ASAP2: variants seen among roughly 807,000 people sequenced by gnomAD.
The protein encoded by ASAP2 is ArfGAP with SH3 domain, ankyrin repeat and PH domain 2.
ASAP2 carries 45 observed loss-of-function variants against 131.4 expected under a neutral mutation model. The ratio of observed to expected loss-of-function variants is 0.34; its 90% CI spans 0.27 to 0.44. The LOEUF is 0.44. Ranked by LOEUF, ASAP2 falls within the 20% of genes least tolerant of loss-of-function variation. ASAP2 has a pLI of 1.00. For missense variants in ASAP2, 1,011 were observed against 1,297.0 expected, an observed-to-expected ratio of 0.78 and a Z score of 3.39; for synonymous variants, 510 against 503.0, an observed-to-expected ratio of 1.01 and a Z score of -0.19.
chr2:9,350,294 CTG>C (rs1340581254), intron 11 of ASAP2, among the ~76,000 whole-genome samples: 5 of 152,188 alleles, frequency 3.3e-5, no homozygotes, highest in African/African-American at 1.2e-4. Flanking sequence ...GAATGTGAGT[CTG>C]TTATCTGTCA....
intron 1 of ASAP2, among the ~76,000 whole-genome samples, chr2:9,247,602 A>G (rs1188743187): frequency 6.6e-6 from 1 of 152,226 alleles, no homozygotes; most frequent in Non-Finnish European, 1.5e-5. Context: ...TCTGCTGCTC[A>G]CTAGCTCAGA....
In ASAP2 at chr2:9,374,820, C is replaced by G; in HGVS notation, c.1622C>G (p.Ala541Gly). Residue 541 changes from alanine to glycine, a missense_variant, in exon 17 of 28, where the codon GCG (alanine) becomes GGG (glycine). Ala to Gly is a moderately conservative substitution (Grantham distance 60, BLOSUM62 0). Transcript: ENST00000281419. ...AGGAGATACGCAAGGAAGAAGCACGCGGATAACGCGGCGAAGCTTCACAGT... is the reference window on the plus strand; with the variant it reads ...AGGAGATACGCAAGGAAGAAGCACGGGGATAACGCGGCGAAGCTTCACAGT... The part of the protein sequence containing the change: ...IERRYARKKH[A>G]DNAAKLHSLC... 3.7e-6 allele frequency: 6 copies of G among 1,613,894 alleles called. No homozygotes were observed. Among genetic ancestry groups the G allele is most frequent in the Non-Finnish European group, 5.1e-6 (6 of 1,179,938 alleles).
At chr2:9,329,663 G>A (rs1040449536) in intron 7 of ASAP2, among the ~76,000 whole-genome samples, 9 of 152,186 alleles carry the variant, frequency 5.9e-5, no homozygotes, top group African/African-American at 2.2e-4. Flanking sequence ...CAGAGATGAC[G>A]ATGGCCCACC....
chr2:9,317,039 ATCAC>A (rs749357463), intron 3 of ASAP2, among the ~76,000 whole-genome samples: 14 of 77,778 alleles, frequency 1.8e-4, no homozygotes, highest in African/African-American at 5.5e-4. Context: ...ATCATTCCCA[ATCAC>A]TCACATCCAC....
chr2:9,254,527 A>AT (rs546862626), intron 1 of ASAP2, among the ~76,000 whole-genome samples: 2,467 of 27,992 alleles, frequency 0.088, 536 homozygotes, highest in Admixed American at 0.22. Context: ...TAATTTTTGG[A>AT]TTTTTTTTTT....
intron 1 of ASAP2, among the ~76,000 whole-genome samples, chr2:9,251,120 C>T (rs1030002010): frequency 6.6e-6 from 1 of 152,104 alleles, no homozygotes; most frequent in Non-Finnish European, 1.5e-5. Flanking sequence ...AATAAGTGGA[C>T]GGGAGTGGAG....
chr2:9,210,266 A>G (rs531992931), intron 1 of ASAP2, among the ~76,000 whole-genome samples: 1 of 152,368 alleles, frequency 6.6e-6, no homozygotes, highest in Non-Finnish European at 1.5e-5. Context: ...ACAGCTTGCC[A>G]GCTGAGTGAA....
Position 9,252,996 on chromosome 2 carries a change from CTATT to C in ASAP2, c.127-26318_127-26315del, listed in dbSNP as rs368832419. ...ACTGGTCCTACACCAAGCATCTTGACTATTTAGTTGTTCACTGCAGCCCTCAAAA... is the reference window on the plus strand; with the variant it reads ...ACTGGTCCTACACCAAGCATCTTGACTAGTTGTTCACTGCAGCCCTCAAAA... On this transcript the variant is annotated intron_variant, in intron 1 of 27. Transcript: ENST00000281419. 1.8e-4 allele frequency among the ~76,000 whole-genome samples: 27 copies of C among 152,038 alleles called. 1 individual carries two copies. The East Asian group carries it at 4.5e-3, about 25-fold the overall frequency.
At chr2:9,336,252 T>C (rs1027111462) in intron 9 of ASAP2, among the ~76,000 whole-genome samples, 6 of 152,160 alleles carry the variant, frequency 3.9e-5, no homozygotes, top group Admixed American at 2.0e-4. Context: ...GTTTACACTT[T>C]TGCTGCTGTT....
chr2:9,259,785 G>A (rs1411392719), intron 1 of ASAP2, among the ~76,000 whole-genome samples: 6 of 152,212 alleles, frequency 3.9e-5, no homozygotes, highest in Admixed American at 3.9e-4. Context: ...GAGGCCGACA[G>A]GCAAAGTAGC....
At chr2:9,257,485 G>A (rs901055697) in intron 1 of ASAP2, among the ~76,000 whole-genome samples, 5 of 152,086 alleles carry the variant, frequency 3.3e-5, no homozygotes, top group African/African-American at 9.7e-5. Flanking sequence ...ACATGATGTC[G>A]GAAAGAACAG....
intron 1 of ASAP2, among the ~76,000 whole-genome samples, chr2:9,256,781 C>CA (rs1462092940): frequency 6.6e-6 from 1 of 152,202 alleles, no homozygotes; most frequent in Non-Finnish European, 1.5e-5. Context: ...TGTATTCCAG[C>CA]AAGAGACCTT....
intron 3 of ASAP2, among the ~76,000 whole-genome samples, chr2:9,300,114 T>C (rs1437199631): frequency 2.0e-5 from 3 of 152,168 alleles, no homozygotes; most frequent in Non-Finnish European, 4.4e-5. Context: ...ACGGCTGTAG[T>C]CCCTGCTACT....
chr2:9,374,619 C>T, intron 16 of ASAP2, 136 bp from the exon 17 acceptor site: 1 of 816,224 alleles, frequency 1.2e-6, no homozygotes, highest in Non-Finnish European at 1.9e-6. Flanking sequence ...GCGGCCACTC[C>T]CGCTTTGTGT....
chr2:9,385,280 C>T lies in ASAP2; in HGVS notation c.2052C>T (p.His684=), dbSNP rs370634728. ...CCTTATCTGGAAGATTTAATTCTCA[C>T]GTTCACGTTGAATATGAATGGCGAC... is the stretch of plus-strand genomic sequence containing the variant. The part of the protein sequence containing the change: ...TQALSGRFNS[H]VHVEYEWRLL... The change falls in exon 21 of 28, where the codon CAC becomes CAT. Residue 684 remains histidine, a synonymous_variant. Coordinates refer to ENST00000281419, the MANE Select transcript of ASAP2 (RefSeq NM_003887.3). The T allele has an allele frequency of 2.8e-5, 45 of 1,613,996 alleles. No homozygotes were observed. The highest frequency in any genetic ancestry group is 5.3e-5 in the African/African-American group (4 of 74,926).
rs1666108166 is a variant in ASAP2, at chr2:9,268,615, G to A, written c.127-10702G>A. 1.3e-5 allele frequency among the ~76,000 whole-genome samples: 2 copies of A among 152,188 alleles called. No individual in the cohort carries two copies. Among genetic ancestry groups the A allele is most frequent in the South Asian group, 2.1e-4 (1 of 4,822 alleles). On this transcript the variant is annotated intron_variant, in intron 1 of 27. Coordinates refer to ENST00000281419, the MANE Select transcript of ASAP2 (RefSeq NM_003887.3). The surrounding 1 kb of genome is among the most constrained non-coding windows in gnomAD (Gnocchi z 4.1). ...GCTCTCTGTTACTTTCTGAAGAGTC[G>A]AATGCGTGGTGAGACAAAGCTGCCA...
In ASAP2 at chr2:9,207,350, C is replaced by T. The variant is rs1181735757; in HGVS notation, c.126+120C>T. The T allele has an allele frequency of 7.5e-7, 1 of 1,333,878 alleles. No individual in the cohort carries two copies. Among genetic ancestry groups the T allele is most frequent in the African/African-American group, 1.5e-5 (1 of 64,674 alleles). 82.6% of individuals were successfully genotyped at this position (1,333,878 alleles called of 1,614,324 possible). A position where few individuals can be genotyped will look rare whatever the true frequency, so the allele number is the denominator to read the frequency against. ...GCTCCGAAGCCGGACGCGGCCGGGCCAACCCTGCCCGAGACAGAAGCCCTT... is the reference window on the plus strand; with the variant it reads ...GCTCCGAAGCCGGACGCGGCCGGGCTAACCCTGCCCGAGACAGAAGCCCTT... On this transcript the variant is annotated intron_variant, in intron 1 of 27. Coordinates refer to ENST00000281419, the MANE Select transcript of ASAP2 (RefSeq NM_003887.3). This position sits in a 1 kb window ranked among gnomAD's most constrained non-coding sequence, Gnocchi z 4.1.
chr2:9,378,840 T>C (rs1240618105), intron 18 of ASAP2, 104 bp from the exon 19 acceptor site: 2 of 699,394 alleles, frequency 2.9e-6, no homozygotes, highest in Non-Finnish European at 2.1e-6. Context: ...ACTCGGGGAC[T>C]GTCTGCCTTT....
rs1484624107 is a variant in ASAP2, at chr2:9,302,025, A to G, written c.345+4580A>G. On this transcript the variant is annotated intron_variant, in intron 3 of 27. Transcript: ENST00000281419. Reference sequence around the variant, plus strand: ...TTTTTAGTAGAGATGGGGTTTCACCACGTTAGCCAGGATGGTCTCGATCTC... The same window carrying G: ...TTTTTAGTAGAGATGGGGTTTCACCGCGTTAGCCAGGATGGTCTCGATCTC... 3.3e-5 allele frequency among the ~76,000 whole-genome samples: 5 copies of G among 150,780 alleles called. No homozygotes were observed. In the South Asian group the frequency reaches 6.3e-4, roughly 19 times the overall value.
Sources: allele counts gnomAD v4.1 joint callset (sites outside exome capture counted in the v4.1 genomes callset), GRCh38; gene constraint gnomAD v4.1.1; non-coding constraint Gnocchi (gnomAD v3.1); transcripts MANE v1.5; gene names NCBI Gene and HGNC (gene_info 2026-07-23, HGNC 2026-07-21).